CXCL13: variants seen among roughly 807,000 people sequenced by gnomAD.
CXCL13 encodes C-X-C motif chemokine ligand 13, also known as C-X-C motif chemokine 13.
In CXCL13, 7 loss-of-function variants were observed where a neutral mutation model predicts 12.2. That is an observed-to-expected ratio of 0.57 (90% confidence interval 0.33 to 1.07). The LOEUF (loss-of-function observed/expected upper bound fraction) is 1.07. Among genes scored for constraint, CXCL13 ranks in the 50% least tolerant of loss-of-function variants. The pLI, the probability that CXCL13 is intolerant of heterozygous loss-of-function variation, is 0.04. For synonymous variants in CXCL13, 47 were observed against 42.4 expected, an observed-to-expected ratio of 1.11 and a Z score of -0.42; for missense variants, 113 against 127.4, an observed-to-expected ratio of 0.89 and a Z score of 0.55.
chr4:77,566,737 TA>T (rs1404745173), intron 1 of CXCL13, among the ~76,000 whole-genome samples: 12 of 152,216 alleles, frequency 7.9e-5, no homozygotes. Context: ...CTTTTAATCC[TA>T]AATTACCCTC....
intron 1 of CXCL13, among the ~76,000 whole-genome samples, chr4:77,558,581 G>C (rs1236798095): frequency 6.6e-6 from 1 of 152,218 alleles, no homozygotes; most frequent in Non-Finnish European, 1.5e-5. Context: ...TCAAACTCCT[G>C]ACCTCAGGTG....
At chr4:77,541,531 G>A (rs1244047829) in intron 1 of CXCL13, among the ~76,000 whole-genome samples, 1 of 152,140 alleles carries the variant, frequency 6.6e-6, no homozygotes, top group Non-Finnish European at 1.5e-5. Context: ...TAGGCGTATG[G>A]CTTTATTTCT....
intron 1 of CXCL13, among the ~76,000 whole-genome samples, chr4:77,573,050 C>T (rs552853231): frequency 1.6e-4 from 25 of 151,616 alleles, no homozygotes; most frequent in Non-Finnish European, 2.4e-4. Flanking sequence ...CACATGGACA[C>T]GTAGAGGGAA....
intron 1 of CXCL13, among the ~76,000 whole-genome samples, chr4:77,548,033 AT>A (rs60013876): frequency 3.0e-4 from 46 of 151,856 alleles, no homozygotes; most frequent in Non-Finnish European, 5.2e-4. Flanking sequence ...TTGAAAAAAA[AT>A]TTTTTTTAAG....
intron 1 of CXCL13, among the ~76,000 whole-genome samples, chr4:77,553,505 C>A (rs564072570): frequency 6.6e-6 from 1 of 152,238 alleles, no homozygotes. Flanking sequence ...GCTCCAGGGC[C>A]TGGGAAAACA....
At chr4:77,528,175 A>G (rs955308127) in intron 1 of CXCL13, among the ~76,000 whole-genome samples, 15 of 152,188 alleles carry the variant, frequency 9.9e-5, no homozygotes, top group Admixed American at 7.2e-4. Flanking sequence ...AATCCAGTCT[A>G]TCATTGTTGG....
intron 1 of CXCL13, among the ~76,000 whole-genome samples, chr4:77,595,627 C>T (rs1726732133): frequency 1.3e-5 from 2 of 152,154 alleles, no homozygotes; most frequent in South Asian, 2.1e-4. Flanking sequence ...TAATACTCCA[C>T]GTATATAACT....
chr4:77,578,270 T>G (rs1478188050), intron 1 of CXCL13, among the ~76,000 whole-genome samples: 1 of 152,166 alleles, frequency 6.6e-6, no homozygotes, highest in East Asian at 1.9e-4. Context: ...CTCCAAACAG[T>G]CATGCAACTG....
chr4:77,539,199 G>A (rs1578043688), intron 1 of CXCL13, among the ~76,000 whole-genome samples: 4 of 152,204 alleles, frequency 2.6e-5, no homozygotes, highest in Non-Finnish European at 1.5e-5. Context: ...GAGTAACTGG[G>A]ATTACAGGCA....
At chr4:77,593,540 C>T (rs116561941) in intron 1 of CXCL13, among the ~76,000 whole-genome samples, 2,852 of 152,284 alleles carry the variant, frequency 0.019, 86 homozygotes, top group African/African-American at 0.065. Flanking sequence ...AATGCATAAG[C>T]GGAGCAATGA....
At chr4:77,527,128 A>T (rs1356905326) in intron 1 of CXCL13, among the ~76,000 whole-genome samples, 1 of 152,218 alleles carries the variant, frequency 6.6e-6, no homozygotes, top group Non-Finnish European at 1.5e-5. Flanking sequence ...GATGGCAAAT[A>T]ATCACATGAA....
chr4:77,544,480 C>A (rs1368329738), intron 1 of CXCL13, among the ~76,000 whole-genome samples: 2 of 152,192 alleles, frequency 1.3e-5, no homozygotes, highest in Admixed American at 1.3e-4. Flanking sequence ...TTTTGATTTG[C>A]ATTTCTCTGA....
chr4:77,552,099 G>T (rs927298886), intron 1 of CXCL13, among the ~76,000 whole-genome samples: 1 of 151,984 alleles, frequency 6.6e-6, no homozygotes, highest in Non-Finnish European at 1.5e-5. Flanking sequence ...TTCCATTTTG[G>T]TTAGGGTCCT....
chr4:77,572,055 A>G (rs939239276), intron 1 of CXCL13, among the ~76,000 whole-genome samples: 1 of 151,622 alleles, frequency 6.6e-6, no homozygotes, highest in Admixed American at 6.6e-5. Context: ...CAGACTCCAG[A>G]CGCGCCACAT....
At chr4:77,596,471 A>G (rs1726751202) in intron 1 of CXCL13, among the ~76,000 whole-genome samples, 1 of 152,196 alleles carries the variant, frequency 6.6e-6, no homozygotes, top group Non-Finnish European at 1.5e-5. Context: ...TCTTCTGTGT[A>G]TACACCCAAA....
chr4:77,515,142 C>T (rs560940370), intron 1 of CXCL13, among the ~76,000 whole-genome samples: 6 of 152,174 alleles, frequency 3.9e-5, no homozygotes, highest in Non-Finnish European at 7.3e-5. Context: ...TTTCTGAGGG[C>T]TCTGTTCTGT....
At chr4:77,572,335 A>T (rs1338064444) in intron 1 of CXCL13, among the ~76,000 whole-genome samples, 1 of 151,940 alleles carries the variant, frequency 6.6e-6, no homozygotes, top group African/African-American at 2.4e-5. Context: ...TGGGAGGTGG[A>T]GGTTGCAGTG....
intron 1 of CXCL13, among the ~76,000 whole-genome samples, chr4:77,539,220 G>GT (rs1425143620): frequency 6.6e-6 from 1 of 152,082 alleles, no homozygotes; most frequent in African/African-American, 2.4e-5. Context: ...TGCACCCAGA[G>GT]TTAGGGTATC....
chr4:77,530,052 G>T (rs1325760255), intron 1 of CXCL13, among the ~76,000 whole-genome samples: 2 of 152,052 alleles, frequency 1.3e-5, no homozygotes, highest in Non-Finnish European at 2.9e-5. Flanking sequence ...TTTTGTCATT[G>T]GTTCTTTTTA....
Sources: gnomAD v4.1 joint callset for allele counts (sites outside exome capture counted in the v4.1 genomes callset) on GRCh38, gnomAD v4.1.1 for gene constraint, MANE v1.5 for transcripts, NCBI Gene and HGNC (gene_info 2026-07-23, HGNC 2026-07-21) for gene names.